The following PXDNL variants were observed in gnomAD, a reference collection of about 807,000 sequenced individuals.
The protein encoded by PXDNL is peroxidasin like.
In PXDNL, 145 loss-of-function variants were observed where a neutral mutation model predicts 150.8. The ratio of observed to expected loss-of-function variants is 0.96; its 90% CI spans 0.84 to 1.10. The LOEUF is 1.10. PXDNL is among the 50% of genes least tolerant of loss of function. PXDNL has a pLI of 0.00. For missense variants in PXDNL, 2,087 were observed against 1,873.9 expected, an observed-to-expected ratio of 1.11 and a Z score of -2.10; for synonymous variants, 757 against 725.7, an observed-to-expected ratio of 1.04 and a Z score of -0.69.
intron 1 of PXDNL, among the ~76,000 whole-genome samples, chr8:51,796,693 A>G (rs1040187247): frequency 1.3e-5 from 2 of 152,170 alleles, no homozygotes; most frequent in African/African-American, 2.4e-5. Context: ...TAGCTTATCA[A>G]CAAAAAAAAG....
intron 4 of PXDNL, among the ~76,000 whole-genome samples, chr8:51,541,435 T>G (rs1812215194): frequency 6.6e-6 from 1 of 151,370 alleles, no homozygotes; most frequent in Non-Finnish European, 1.5e-5. Flanking sequence ...TCCAATGCTA[T>G]GCAGCAAGGT....
intron 1 of PXDNL, among the ~76,000 whole-genome samples, chr8:51,733,688 G>A (rs1264061317): frequency 2.0e-5 from 3 of 151,558 alleles, no homozygotes; most frequent in African/African-American, 7.3e-5. Context: ...GGCACCTGTA[G>A]TCCCAGCTGC....
In PXDNL at chr8:51,408,127, T is replaced by C. The variant is rs1328333378; in HGVS notation, c.3497A>G (p.Lys1166Arg). The C allele has an allele frequency of 6.2e-7, 1 of 1,613,100 alleles. No homozygotes were observed. The highest frequency in any genetic ancestry group is 2.2e-5 in the East Asian group (1 of 44,884). Residue 1166 changes from lysine to arginine, a missense_variant, in exon 17 of 23, where the codon AAG becomes AGG. Physicochemically the swap from Lys to Arg is conservative, Grantham distance 26. Transcript: ENST00000356297. ...FRVFCNLTSV[K>R]NFEDLQNEIK... ...TTCATTTTGAAGATCCTCAAAGTTC[T>C]TAACTGAAGTCAAATTACAGAAAAC...
intron 17 of PXDNL, among the ~76,000 whole-genome samples, chr8:51,401,868 G>A (rs956046312): frequency 6.6e-6 from 1 of 152,110 alleles, no homozygotes; most frequent in Non-Finnish European, 1.5e-5. Context: ...GTTGCTCCTG[G>A]GCCTACTAAA....
At position 51,727,743 on chromosome 8, in the gene PXDNL, T is replaced by C. The variant is rs553332192; in HGVS notation, c.165-72983A>G. On this transcript the variant is annotated intron_variant, in intron 1 of 22. Transcript: ENST00000356297. ...TGGAACTAGGGATCTACAATCACGC[T>C]ATGCCTAAATGAGGCAAACACCTAT... 8.5e-4 allele frequency among the ~76,000 whole-genome samples: 129 copies of C among 152,294 alleles called. 1 individual carries two copies. The highest frequency in any genetic ancestry group is 3.0e-3 in the African/African-American group (124 of 41,574).
intron 12 of PXDNL, among the ~76,000 whole-genome samples, chr8:51,433,225 A>AATAATAATG (rs1198850076): frequency 5.0e-5 from 5 of 99,250 alleles, no homozygotes; most frequent in African/African-American, 2.2e-4. Flanking sequence ...TAATAATAAT[A>AATAATAATG]ATAATAATAA....
chr8:51,498,967 G>A (rs1316986896), intron 5 of PXDNL, among the ~76,000 whole-genome samples: 2 of 152,170 alleles, frequency 1.3e-5, no homozygotes, highest in Non-Finnish European at 2.9e-5. Context: ...GACTTGAGTA[G>A]TTCTCAGTGT....
chr8:51,347,230 G>A (rs1478498409), intron 19 of PXDNL, among the ~76,000 whole-genome samples: 1 of 152,032 alleles, frequency 6.6e-6, no homozygotes, highest in Non-Finnish European at 1.5e-5. Context: ...AGAAGAGAAA[G>A]TGAAAACCAC....
At chr8:51,479,155 T>C (rs1810546942) in intron 6 of PXDNL, among the ~76,000 whole-genome samples, 3 of 152,150 alleles carry the variant, frequency 2.0e-5, no homozygotes, top group Admixed American at 2.0e-4. Context: ...ACAAAAAAGC[T>C]GCTACTAAGA....
chr8:51,643,192 C>T (rs1222880584), intron 2 of PXDNL, among the ~76,000 whole-genome samples: 2 of 152,140 alleles, frequency 1.3e-5, no homozygotes, highest in Non-Finnish European at 2.9e-5. Context: ...GAAAAAACTA[C>T]TTTAAAGTTC....
chr8:51,653,742 G>A (rs1490845401), intron 2 of PXDNL, among the ~76,000 whole-genome samples: 2 of 152,156 alleles, frequency 1.3e-5, no homozygotes, highest in South Asian at 2.1e-4. Flanking sequence ...AGTTAGAAGG[G>A]CTAGCTTGGC....
At position 51,403,474 on chromosome 8, in the gene PXDNL, T is replaced by C. The variant is rs567389620; in HGVS notation, c.3557+4593A>G. ...ATGTACAATTCCACTTAGAAAAAAG[T>C]GTCAGCTTCCCTGGCGCATCTTAAT... On this transcript the variant is annotated intron_variant, in intron 17 of 22. Transcript: ENST00000356297. Among the ~76,000 whole-genome samples, 4 of 152,252 alleles carry C rather than the reference T, an allele frequency of 2.6e-5. 1 individual carries two copies. The highest frequency in any genetic ancestry group is 9.6e-5 in the African/African-American group (4 of 41,536).
intron 4 of PXDNL, among the ~76,000 whole-genome samples, chr8:51,504,471 C>T (rs553445937): frequency 7.9e-5 from 12 of 152,276 alleles, no homozygotes; most frequent in African/African-American, 2.9e-4. Flanking sequence ...CCCAGTAAAC[C>T]TTCCCACCCT....
intron 20 of PXDNL, among the ~76,000 whole-genome samples, chr8:51,344,691 A>G (rs1385402768): frequency 6.6e-6 from 1 of 152,242 alleles, no homozygotes; most frequent in Non-Finnish European, 1.5e-5. Flanking sequence ...ACACTACAAC[A>G]GCATGTGTCA....
intron 17 of PXDNL, among the ~76,000 whole-genome samples, chr8:51,376,950 C>T (rs1267602513): frequency 1.3e-5 from 2 of 152,130 alleles, no homozygotes; most frequent in African/African-American, 4.8e-5. Flanking sequence ...GATCTCCTGA[C>T]CTCCTGATCC....
intron 1 of PXDNL, among the ~76,000 whole-genome samples, chr8:51,696,708 CACA>C (rs1816140558): frequency 2.0e-5 from 3 of 151,160 alleles, no homozygotes; most frequent in African/African-American, 2.4e-5. Flanking sequence ...CACATCCACA[CACA>C]GGTTCACACA....
At chr8:51,321,731 T>C (rs1304578155) in intron 21 of PXDNL, among the ~76,000 whole-genome samples, 1 of 152,118 alleles carries the variant, frequency 6.6e-6, no homozygotes, top group Non-Finnish European at 1.5e-5. Flanking sequence ...CTGTTAACCC[T>C]ATGGAACTGT....
At chr8:51,708,673 A>G (rs1310631563) in intron 1 of PXDNL, among the ~76,000 whole-genome samples, 1 of 152,212 alleles carries the variant, frequency 6.6e-6, no homozygotes. Context: ...ATCCTTGAAG[A>G]AGAGAACCGA....
chr8:51,354,710 G>C (rs1175922578), intron 19 of PXDNL, among the ~76,000 whole-genome samples: 9 of 152,020 alleles, frequency 5.9e-5, no homozygotes, highest in Admixed American at 5.9e-4. Context: ...ACTTGGTGAA[G>C]CCCTGCTAAT....
Sources: gnomAD v4.1 joint callset for allele counts (sites outside exome capture counted in the v4.1 genomes callset) on GRCh38, gnomAD v4.1.1 for gene constraint, MANE v1.5 for transcripts, NCBI Gene and HGNC (gene_info 2026-07-23, HGNC 2026-07-21) for gene names.